Variants in PLCB4 observed in about 807,000 individuals in gnomAD.
The protein encoded by PLCB4 is 1-phosphatidylinositol 4,5-bisphosphate phosphodiesterase beta-4.
PLCB4 carries 77 observed loss-of-function variants against 178.8 expected under a neutral mutation model. That is an observed-to-expected ratio of 0.43 (90% CI 0.36 to 0.52). The LOEUF is 0.52. Among genes scored for constraint, PLCB4 ranks in the 20% least tolerant of loss-of-function variants. PLCB4 has a pLI of 0.00. For synonymous variants in PLCB4, 496 were observed against 490.8 expected (o/e 1.01, Z -0.14); for missense variants, 1,024 against 1,453.4 (o/e 0.70, Z 4.80).
intron 1 of PLCB4, among the ~76,000 whole-genome samples, chr20:9,078,523 G>C (rs6118473): frequency 0.62 from 94,153 of 151,164 alleles, 29,391 homozygotes; most frequent in South Asian, 0.72. Flanking sequence ...CACCAAGCCC[G>C]GCTAATTTTT....
At chr20:9,348,597 A>T (rs1483445183) in intron 7 of PLCB4, among the ~76,000 whole-genome samples, 1 of 152,136 alleles carries the variant, frequency 6.6e-6, no homozygotes, top group Non-Finnish European at 1.5e-5. Context: ...TCTCTGTGGC[A>T]CATCTCTAGG....
intron 35 of PLCB4, among the ~76,000 whole-genome samples, chr20:9,466,385 C>T (rs2043785218): frequency 6.6e-6 from 1 of 152,196 alleles, no homozygotes; most frequent in Admixed American, 6.5e-5. Flanking sequence ...GCAAGGACTT[C>T]ATGACTAAAA....
intron 2 of PLCB4, among the ~76,000 whole-genome samples, chr20:9,204,153 A>G (rs1381581942): frequency 6.6e-6 from 1 of 152,182 alleles, no homozygotes; most frequent in African/African-American, 2.4e-5. Flanking sequence ...CAAATTAAAA[A>G]GATTCAAAAT....
intron 3 of PLCB4, among the ~76,000 whole-genome samples, chr20:9,221,537 A>C (rs916931648): frequency 6.6e-6 from 1 of 151,862 alleles, no homozygotes; most frequent in Non-Finnish European, 1.5e-5. Flanking sequence ...TCCTTGCCTC[A>C]CTCCTGCGGG....
Position 9,338,983 on chromosome 20 carries a change from T to C in PLCB4, c.315T>C (p.Asp105=). ...TAGTTTGTGTCTGCAGTGGCACAGA[T>C]CTAGTGAACATTAGTTTTACCTACA... ...GRIVCVCSGT[D]LVNISFTYMV... Residue 105 remains aspartate (D), a synonymous_variant, in exon 7 of 40, where the codon GAT becomes GAC. Coordinates refer to ENST00000378473, the MANE Select transcript of PLCB4 (RefSeq NM_001377142.1). 1.9e-6 allele frequency: 3 copies of C among 1,613,282 alleles called. No homozygotes were observed. The highest frequency in any genetic ancestry group is 2.5e-6 in the Non-Finnish European group (3 of 1,179,390).
At chr20:9,457,332 A>G in intron 33 of PLCB4, 82 bp from the exon 34 acceptor site, 4 of 764,502 alleles carry the variant, frequency 5.2e-6, no homozygotes, top group Non-Finnish European at 7.2e-6. Context: ...TATTATCTTC[A>G]TCAGAAAGCT....
At chr20:9,260,975 C>T (rs1419512435) in intron 3 of PLCB4, among the ~76,000 whole-genome samples, 2 of 152,122 alleles carry the variant, frequency 1.3e-5, no homozygotes, top group African/African-American at 2.4e-5. Flanking sequence ...TTTTTCTTCT[C>T]TCCCACCCTA....
At chr20:9,230,900 G>A (rs1206194089) in intron 3 of PLCB4, among the ~76,000 whole-genome samples, 1 of 152,084 alleles carries the variant, frequency 6.6e-6, no homozygotes, top group African/African-American at 2.4e-5. Flanking sequence ...CAAGAGGTGA[G>A]GAAATAGACC....
intron 29 of PLCB4, among the ~76,000 whole-genome samples, 173 bp from the exon 30 acceptor site, chr20:9,436,823 ATTCTCT>A: frequency 1.3e-5 from 2 of 152,332 alleles, no homozygotes; most frequent in South Asian, 4.1e-4. Context: ...AAGAGAAAGT[ATTCTCT>A]GCTTGTTAAG....
At chr20:9,208,904 C>T (rs1448936800) in intron 2 of PLCB4, among the ~76,000 whole-genome samples, 1 of 152,196 alleles carries the variant, frequency 6.6e-6, no homozygotes, top group Non-Finnish European at 1.5e-5. Context: ...TCCCAATAAT[C>T]AAGTCAGTTG....
intron 30 of PLCB4, among the ~76,000 whole-genome samples, chr20:9,442,039 A>T (rs990883833): frequency 6.6e-6 from 1 of 152,180 alleles, no homozygotes; most frequent in Non-Finnish European, 1.5e-5. Context: ...AACTTTATGT[A>T]GTGAAACTTC....
chr20:9,273,716 GTGTC>G lies in PLCB4; in HGVS notation c.-15-34080_-15-34077del, dbSNP rs1172496997. 1.3e-3 allele frequency among the ~76,000 whole-genome samples: 200 copies of G among 149,780 alleles called. 1 individual carries two copies. Among genetic ancestry groups the G allele is most frequent in the Non-Finnish European group, 2.1e-3 (141 of 67,516 alleles). The stretch of plus-strand genomic sequence containing the variant: ...TGTGTGTGTGTGTGTGTGTGTGTGT[GTGTC>G]TGTTTGGAGCAGATGATACAGATGC... On this transcript the variant is annotated intron_variant, in intron 3 of 39. Coordinates refer to ENST00000378473, the MANE Select transcript of PLCB4 (RefSeq NM_001377142.1).
intron 7 of PLCB4, among the ~76,000 whole-genome samples, chr20:9,343,413 G>GTT (rs540444646): frequency 2.0e-5 from 3 of 151,328 alleles, no homozygotes; most frequent in African/African-American, 7.3e-5. Context: ...GTCTCTGATA[G>GTT]TTTTTTTTTC....
intron 4 of PLCB4, among the ~76,000 whole-genome samples, chr20:9,310,674 C>A (rs1285249068): frequency 1.3e-5 from 2 of 151,800 alleles, no homozygotes; most frequent in African/African-American, 4.8e-5. Flanking sequence ...ATCACGCCCC[C>A]ACACACCAAC....
chr20:9,268,582 C>G (rs755154537), intron 3 of PLCB4, among the ~76,000 whole-genome samples: 1 of 152,012 alleles, frequency 6.6e-6, no homozygotes. Flanking sequence ...ACAGGAACCT[C>G]GGGAACTAAC....
At chr20:9,449,072 C>T (rs2058184477) in intron 32 of PLCB4, among the ~76,000 whole-genome samples, 1 of 152,168 alleles carries the variant, frequency 6.6e-6, no homozygotes, top group South Asian at 2.1e-4. Flanking sequence ...AATCAAACTT[C>T]TACTTGTCTC....
intron 35 of PLCB4, among the ~76,000 whole-genome samples, chr20:9,461,195 A>C (rs977398393): frequency 1.3e-5 from 2 of 152,238 alleles, no homozygotes; most frequent in Non-Finnish European, 2.9e-5. Context: ...GGAAAAAACA[A>C]AATATACTAA....
In PLCB4 at chr20:9,168,325, G is replaced by A. The variant is rs141764824; in HGVS notation, c.-78-49065G>A. 2.3e-4 allele frequency among the ~76,000 whole-genome samples: 35 copies of A among 152,248 alleles called. No individual in the cohort carries two copies. The East Asian group carries it at 6.4e-3, about 28-fold the overall frequency. The stretch of plus-strand genomic sequence containing the variant: ...GGAGAAGGTGCTTCCAGGAGACAAG[G>A]TGTGCAAGGCTTAATGTTGCTTACC... On this transcript the variant is annotated intron_variant, in intron 2 of 39. Coordinates refer to ENST00000378473, the MANE Select transcript of PLCB4 (RefSeq NM_001377142.1).
intron 2 of PLCB4, among the ~76,000 whole-genome samples, chr20:9,114,075 G>C (rs1246901360): frequency 6.6e-6 from 1 of 152,100 alleles, no homozygotes; most frequent in Non-Finnish European, 1.5e-5. Context: ...TTAGCTGGGT[G>C]TGGTGGTGCA....
Sources: allele counts gnomAD v4.1 joint callset (sites outside exome capture counted in the v4.1 genomes callset), GRCh38; gene constraint gnomAD v4.1.1; transcripts MANE v1.5; gene names NCBI Gene and HGNC (gene_info 2026-07-23, HGNC 2026-07-21).